DLL1: variants seen among roughly 807,000 people sequenced by gnomAD.
The protein encoded by DLL1 is delta-like protein 1.
In DLL1, 9 loss-of-function variants were observed where a neutral mutation model predicts 75.1. The ratio of observed to expected loss-of-function variants is 0.12; its 90% CI spans 0.07 to 0.21. DLL1 has a LOEUF of 0.21. DLL1 is among the 10% of genes least tolerant of loss of function. The probability of loss-of-function intolerance (pLI) is 1.00; values close to 1 mark genes in which losing one functional copy is unlikely to be tolerated. For synonymous variants in DLL1, 477 were observed against 418.3 expected (o/e 1.14, Z -1.71); for missense variants, 837 against 1,007.6 (o/e 0.83, Z 2.29).
In DLL1 at chr6:170,284,993, C is replaced by T. The variant is rs772542921; in HGVS notation, c.1175G>A (p.Arg392His). The T allele has an allele frequency of 3.2e-5, 52 of 1,614,026 alleles. No individual in the cohort carries two copies. The highest frequency in any genetic ancestry group is 1.4e-4 in the South Asian group (13 of 91,084). Residue 392 changes from arginine (R) to histidine (H), a missense_variant, in exon 8 of 11, where the codon CGC (arginine) becomes CAC (histidine). This residue lies in a region of DLL1 where 533 missense variants were observed against 545.7 expected (regional missense o/e 0.98). Coordinates refer to ENST00000366756, the MANE Select transcript of DLL1 (RefSeq NM_005618.4). ...GAAGCCGGAGTAGCCCACGGGGCAG[C>T]GGCAGCTGTACCCTCCATCGGGGCT... is the stretch of plus-strand genomic sequence containing the variant. ...SDSPDGGYSC[R>H]CPVGYSGFNC... is the part of the protein sequence containing the mutation.
intron 4 of DLL1, 22 bp from the exon 5 acceptor site, chr6:170,286,320 G>C: frequency 6.2e-7 from 1 of 1,614,124 alleles, no homozygotes; most frequent in Non-Finnish European, 8.5e-7. Context: ...GGAAAAACAG[G>C]GTCAAGCCCC....
rs568359643 is a variant in DLL1 at position 170,283,637 on chromosome 6, C to T, written c.1642G>A (p.Val548Met). 1.9e-5 allele frequency: 31 copies of T among 1,605,080 alleles called. No homozygotes were observed. The highest frequency in any genetic ancestry group is 2.5e-5 in the Non-Finnish European group (29 of 1,175,378). Residue 548 changes from valine (V) to methionine (M), a missense_variant, in exon 9 of 11, where the codon GTG becomes ATG. Val to Met is a conservative substitution (Grantham distance 21, BLOSUM62 1). Coordinates refer to ENST00000366756, the MANE Select transcript of DLL1 (RefSeq NM_005618.4). ...GQGGPFPWVA[V>M]CAGVILVLML... ...AGGACAAGGATGACCCCGGCGCACA[C>T]GGCCACCCAGGGGAATGGCCCGCCC...
Position 170,284,626 on chromosome 6 carries a change from C to A in DLL1, c.1249+293G>T, listed in dbSNP as rs536453256. On this transcript the variant is annotated intron_variant, in intron 8 of 10. Coordinates refer to ENST00000366756, the MANE Select transcript of DLL1 (RefSeq NM_005618.4). Reference sequence around the variant, plus strand: ...AGCTGGAGTGGCCGGCACCTGTGGGCATCACTTACTGAACCTCAGGCGGCC... The same window carrying A: ...AGCTGGAGTGGCCGGCACCTGTGGGAATCACTTACTGAACCTCAGGCGGCC... Among the ~76,000 whole-genome samples, 10 of 152,328 alleles carry A rather than the reference C, an allele frequency of 6.6e-5. No individual in the cohort carries two copies. In the South Asian group the frequency reaches 2.1e-3, roughly 32 times the overall value.
Position 170,288,413 on chromosome 6 carries a change from T to G in DLL1, c.496A>C (p.Ser166Arg). ...GEEWSQDLHS[S>R]GRTDLKYSYR... ...GAGTACTTGAGGTCCGTGCGGCCGC[T>G]GCTGTGCAGGTCCTGGGACCACTCC... is the stretch of plus-strand genomic sequence containing the variant. The change falls in exon 4 of 11, where the codon AGC (serine) becomes CGC (arginine). Residue 166 changes from serine (S) to arginine (R), a missense_variant. Coordinates refer to ENST00000366756, the MANE Select transcript of DLL1 (RefSeq NM_005618.4). The G allele has an allele frequency of 6.2e-7, 1 of 1,614,088 alleles. No homozygotes were observed. Among genetic ancestry groups the G allele is most frequent in the Non-Finnish European group, 8.5e-7 (1 of 1,180,052 alleles).
rs746274927 is a variant in DLL1 at position 170,286,311 on chromosome 6, G to A, written c.671-13C>T. ...GGCAGGCAGATCGCTACAAGCAAAGGAAAAACAGGGTCAAGCCCCACGCCA... is the reference window on the plus strand; with the variant it reads ...GGCAGGCAGATCGCTACAAGCAAAGAAAAAACAGGGTCAAGCCCCACGCCA... On this transcript the variant is annotated splice_polypyrimidine_tract_variant and intron_variant, in intron 4 of 10. Transcript: ENST00000366756. 4 of 1,614,034 alleles carry A rather than the reference G, an allele frequency of 2.5e-6. No individual in the cohort carries two copies. The highest frequency in any genetic ancestry group is 1.6e-4 in the Middle Eastern group (1 of 6,084).
In DLL1 at chr6:170,290,100, C is replaced by A; in HGVS notation, c.40G>T (p.Ala14Ser). The A allele has an allele frequency of 6.3e-7, 1 of 1,591,330 alleles. No individual in the cohort carries two copies. Among genetic ancestry groups the A allele is most frequent in the Non-Finnish European group, 8.5e-7 (1 of 1,176,808 alleles). Reference sequence around the variant, plus strand: ...TGCCCGCCTACCTGACACAGCAAGGCCGAGAGCACCGCCAGGGCCAGCGCG... The same window carrying A: ...TGCCCGCCTACCTGACACAGCAAGGACGAGAGCACCGCCAGGGCCAGCGCG... ...RCALALAVLS[A>S]LLCQVWSSGV... Residue 14 changes from alanine (A) to serine (S), a missense_variant, in exon 1 of 11, where the codon GCC becomes TCC. Around this residue, in one of 2 missense-constraint regions of DLL1, gnomAD observed 304 missense variants for 461.9 expected, o/e 0.66. Coordinates refer to ENST00000366756, the MANE Select transcript of DLL1 (RefSeq NM_005618.4). This position sits in a 1 kb window ranked among gnomAD's most constrained non-coding sequence, Gnocchi z 4.7.
At position 170,282,700 on chromosome 6, in the gene DLL1, A is replaced by C; in HGVS notation, c.*174T>G. On this transcript the variant is annotated 3_prime_UTR_variant, in exon 11 of 11. Coordinates refer to ENST00000366756, the MANE Select transcript of DLL1 (RefSeq NM_005618.4). ...GTGCCGCAGGCGGCCGGGCCGCGAC[A>C]GGCTGTCGGCAGGCGTCGAGGACCT... 1 of 1,077,580 alleles carries C rather than the reference A, an allele frequency of 9.3e-7. No individual in the cohort carries two copies. The highest frequency in any genetic ancestry group is 1.4e-6 in the Non-Finnish European group (1 of 708,850). The allele number at this position is 1,077,580 out of a possible 1,614,324, so 66.8% of individuals were successfully genotyped here. A position where few individuals can be genotyped will look rare whatever the true frequency, so the allele number is the denominator to read the frequency against.
chr6:170,289,488 G>T (rs918962006), intron 2 of DLL1, 24 bp downstream of exon 2: 1 of 1,528,216 alleles, frequency 6.5e-7, no homozygotes, highest in East Asian at 2.5e-5. Flanking sequence ...GGGCCGGCCC[G>T]GCGCGCGCAG....
In DLL1 at chr6:170,282,803, C is replaced by A; in HGVS notation, c.*71G>T. On this transcript the variant is annotated 3_prime_UTR_variant, in exon 11 of 11. Coordinates refer to ENST00000366756, the MANE Select transcript of DLL1 (RefSeq NM_005618.4). ...GGCCTCCCTCCTCTTCAGCAGCATT[C>A]GTTGGGGCATATATCCTTGGAATTT... 1 of 1,611,114 alleles carries A rather than the reference C, an allele frequency of 6.2e-7. No individual in the cohort carries two copies. The highest frequency in any genetic ancestry group is 8.5e-7 in the Non-Finnish European group (1 of 1,178,420).
chr6:170,287,547 T>C (rs1162118316), intron 4 of DLL1, among the ~76,000 whole-genome samples: 5 of 152,184 alleles, frequency 3.3e-5, no homozygotes, highest in Non-Finnish European at 7.4e-5. Context: ...TGCCATGACA[T>C]TGACACATCA....
chr6:170,290,997 G>A lies in DLL1; in HGVS notation c.-858C>T, dbSNP rs1016547601. On this transcript the variant is annotated 5_prime_UTR_variant, in exon 1 of 11. Coordinates refer to ENST00000366756, the MANE Select transcript of DLL1 (RefSeq NM_005618.4). The surrounding 1 kb of genome is among the most constrained non-coding windows in gnomAD (Gnocchi z 4.7). ...CGCATGGCTAATGAGATGCAAATCA[G>A]CAGCCCCCCAATCTGGCGAGAGCTG... 9 of 701,770 alleles carry A rather than the reference G, an allele frequency of 1.3e-5. No individual in the cohort carries two copies. The highest frequency in any genetic ancestry group is 2.1e-5 in the Non-Finnish European group (8 of 384,594). 43.5% of individuals were successfully genotyped at this position (701,770 alleles called of 1,614,324 possible). A position where few individuals can be genotyped will look rare whatever the true frequency, so the allele number is the denominator to read the frequency against.
chr6:170,288,573 C>T (rs1783760496), intron 3 of DLL1, 77 bp from the exon 4 acceptor site: 4 of 1,613,354 alleles, frequency 2.5e-6, no homozygotes, highest in Middle Eastern at 1.6e-4. Flanking sequence ...TGGGCCGAGA[C>T]ATTCAGCACG....
In DLL1 at chr6:170,291,024, C is replaced by A. The variant is rs949163491; in HGVS notation, c.-885G>T. Reference sequence around the variant, plus strand: ...AGCCCCCCAATCTGGCGAGAGCTGTCACAAAGGAGCCACTTTTCCAAACCC... The same window carrying A: ...AGCCCCCCAATCTGGCGAGAGCTGTAACAAAGGAGCCACTTTTCCAAACCC... On this transcript the variant is annotated 5_prime_UTR_variant, in exon 1 of 11. Coordinates refer to ENST00000366756, the MANE Select transcript of DLL1 (RefSeq NM_005618.4). The A allele has an allele frequency of 1.4e-6, 1 of 702,076 alleles. No homozygotes were observed. The highest frequency in any genetic ancestry group is 2.7e-5 in the East Asian group (1 of 37,254). The allele number at this position is 702,076 out of a possible 1,614,324, so 43.5% of individuals were successfully genotyped here.
chr6:170,290,158 C>A lies in DLL1; in HGVS notation c.-19G>T. The A allele has an allele frequency of 6.3e-7, 1 of 1,592,918 alleles. No individual in the cohort carries two copies. Among genetic ancestry groups the A allele is most frequent in the African/African-American group, 1.3e-5 (1 of 74,480 alleles). Reference sequence around the variant, plus strand: ...TGCCCATGCTGCTTCGCTCCACGCGCGAGCCTGGGGGGCCCCCACTTCTCT... The same window carrying A: ...TGCCCATGCTGCTTCGCTCCACGCGAGAGCCTGGGGGGCCCCCACTTCTCT... On this transcript the variant is annotated 5_prime_UTR_variant, in exon 1 of 11. Transcript: ENST00000366756. The surrounding 1 kb of genome is among the most constrained non-coding windows in gnomAD (Gnocchi z 4.7).
At chr6:170,286,404 C>G in intron 4 of DLL1, 106 bp from the exon 5 acceptor site, 1 of 1,379,508 alleles carries the variant, frequency 7.2e-7, no homozygotes, top group East Asian at 2.3e-5. Context: ...TCAGCAAATC[C>G]CAGCTGAGTT....
chr6:170,286,346 C>T, intron 4 of DLL1, 48 bp from the exon 5 acceptor site: 1 of 1,611,598 alleles, frequency 6.2e-7, no homozygotes, highest in South Asian at 1.1e-5. Flanking sequence ...AAGTACGTCC[C>T]AACAGGGCTG....
chr6:170,282,525 T>C lies in DLL1; in HGVS notation c.*349A>G. ...AAGGACAATAAAGGCAGTGTTTGTG[T>C]TTCTAATTCAAGAAAAGACTGGCTC... On this transcript the variant is annotated 3_prime_UTR_variant, in exon 11 of 11. Coordinates refer to ENST00000366756, the MANE Select transcript of DLL1 (RefSeq NM_005618.4). The C allele has an allele frequency of 2.3e-6, 1 of 443,238 alleles. No individual in the cohort carries two copies. The highest frequency in any genetic ancestry group is 4.0e-6 in the Non-Finnish European group (1 of 247,920). The allele number at this position is 443,238 out of a possible 1,614,324, so 27.5% of individuals were successfully genotyped here. A position where few individuals can be genotyped will look rare whatever the true frequency, so the allele number is the denominator to read the frequency against.
At chr6:170,286,929 T>G (rs371759393) in intron 4 of DLL1, among the ~76,000 whole-genome samples, 10 of 152,124 alleles carry the variant, frequency 6.6e-5, no homozygotes, top group Admixed American at 4.6e-4. Context: ...GGGGAGAGAC[T>G]TCAGTGTTTG....
At position 170,282,515 on chromosome 6, in the gene DLL1, A is replaced by G. The variant is rs1355584393; in HGVS notation, c.*359T>C. 4.9e-6 allele frequency: 2 copies of G among 408,000 alleles called. No individual in the cohort carries two copies. The highest frequency in any genetic ancestry group is 4.0e-5 in the African/African-American group (2 of 50,578). 25.3% of individuals were successfully genotyped at this position (408,000 alleles called of 1,614,324 possible). On this transcript the variant is annotated 3_prime_UTR_variant, in exon 11 of 11. Transcript: ENST00000366756. ...TCGTATCAAAAAGGACAATAAAGGCAGTGTTTGTGTTTCTAATTCAAGAAA... is the reference window on the plus strand; with the variant it reads ...TCGTATCAAAAAGGACAATAAAGGCGGTGTTTGTGTTTCTAATTCAAGAAA...
Sources: allele counts gnomAD v4.1 joint callset (sites outside exome capture counted in the v4.1 genomes callset), GRCh38; gene constraint gnomAD v4.1.1; regional missense constraint gnomAD v4.1.1; non-coding constraint Gnocchi (gnomAD v3.1); transcripts MANE v1.5; gene names NCBI Gene and HGNC (gene_info 2026-07-23, HGNC 2026-07-21).